ITGB3BP: variants seen among roughly 807,000 people sequenced by gnomAD.
ITGB3BP encodes the protein centromere protein R.
Under a neutral mutation model 29.1 loss-of-function variants are expected in ITGB3BP, and 27 were observed. That is an observed-to-expected ratio of 0.93 (90% CI 0.68 to 1.28). The LOEUF is 1.28. Ranked by LOEUF, ITGB3BP falls within the 50% of genes most tolerant of loss-of-function variation. The probability of loss-of-function intolerance (pLI) is 0.00; values close to 1 mark genes in which losing one functional copy is unlikely to be tolerated. For synonymous variants in ITGB3BP, 61 were observed against 61.4 expected (o/e 0.99, Z 0.03); for missense variants, 192 against 200.2 (o/e 0.96, Z 0.25).
intron 4 of ITGB3BP, among the ~76,000 whole-genome samples, chr1:63,467,784 A>G (rs1305233599): frequency 2.6e-5 from 4 of 152,222 alleles, no homozygotes; most frequent in Admixed American, 6.5e-5. Flanking sequence ...TAAGCAATCT[A>G]TAATGTATAG....
At position 63,454,239 on chromosome 1, in the gene ITGB3BP, GCTT is replaced by G. The variant is rs1644901410; in HGVS notation, c.427+138_427+140del. Reference sequence around the variant, plus strand: ...AACACATCCTGATAAAAGACATGTGGCTTCTTATTTAAAGAAGGTAATAGTATT... The same window carrying G: ...AACACATCCTGATAAAAGACATGTGGCTTATTTAAAGAAGGTAATAGTATT... On this transcript the variant is annotated intron_variant, in intron 6 of 8. Coordinates refer to ENST00000271002, the MANE Select transcript of ITGB3BP (RefSeq NM_014288.5). This position sits in a 1 kb window ranked among gnomAD's most constrained non-coding sequence, Gnocchi z 4.1. The G allele has an allele frequency of 6.0e-6, 3 of 503,320 alleles. No homozygotes were observed. The highest frequency in any genetic ancestry group is 1.1e-5 in the Non-Finnish European group (3 of 281,806). The allele number at this position is 503,320 out of a possible 1,614,324, so 31.2% of individuals were successfully genotyped here. A position where few individuals can be genotyped will look rare whatever the true frequency, so the allele number is the denominator to read the frequency against.
At chr1:63,513,797 C>CTAGA (rs1301721746) in intron 1 of ITGB3BP, among the ~76,000 whole-genome samples, 1 of 152,086 alleles carries the variant, frequency 6.6e-6, no homozygotes, top group Non-Finnish European at 1.5e-5. Context: ...TTGACCAAGC[C>CTAGA]TAGAACACAT....
At chr1:63,446,972 GT>G in intron 7 of ITGB3BP, 116 bp from the exon 8 acceptor site, 1 of 710,494 alleles carries the variant, frequency 1.4e-6, no homozygotes, top group Non-Finnish European at 2.4e-6. Context: ...CTGAAGTCTT[GT>G]TTTATACTAA....
intron 8 of ITGB3BP, among the ~76,000 whole-genome samples, chr1:63,442,185 A>G (rs1010387266): frequency 8.3e-5 from 9 of 108,516 alleles, no homozygotes; most frequent in African/African-American, 2.9e-4. Context: ...TGGTACTTAC[A>G]GTAGAGAATA....
At chr1:63,475,834 C>A (rs375704942) in intron 4 of ITGB3BP, among the ~76,000 whole-genome samples, 12 of 151,678 alleles carry the variant, frequency 7.9e-5, no homozygotes, top group African/African-American at 2.4e-4. Context: ...CCGGTCTCTA[C>A]TAAAAATACA....
intron 4 of ITGB3BP, among the ~76,000 whole-genome samples, chr1:63,463,954 T>TA (rs1325229970): frequency 1.3e-5 from 2 of 151,966 alleles, no homozygotes; most frequent in East Asian, 1.9e-4. Context: ...CTTATCTGTA[T>TA]AAAAAAATAA....
intron 4 of ITGB3BP, among the ~76,000 whole-genome samples, chr1:63,473,276 C>T (rs1353189565): frequency 2.0e-5 from 3 of 151,502 alleles, no homozygotes; most frequent in East Asian, 2.0e-4. Context: ...CCCCTCTGTC[C>T]GGCAGCCACC....
In ITGB3BP at chr1:63,454,090, A is replaced by G. The variant is rs1644899280; in HGVS notation, c.428-116T>C. 1.8e-6 allele frequency: 1 copy of G among 566,948 alleles called. No individual in the cohort carries two copies. The highest frequency in any genetic ancestry group is 3.0e-6 in the Non-Finnish European group (1 of 328,298). 35.1% of individuals were successfully genotyped at this position (566,948 alleles called of 1,614,324 possible). A position where few individuals can be genotyped will look rare whatever the true frequency, so the allele number is the denominator to read the frequency against. ...TAATTCAAAATAATACATATTTATAAGTACCAAATATAAAATATAATACCT... is the reference window on the plus strand; with the variant it reads ...TAATTCAAAATAATACATATTTATAGGTACCAAATATAAAATATAATACCT... On this transcript the variant is annotated intron_variant, in intron 6 of 8. Transcript: ENST00000271002. The surrounding 1 kb of genome is among the most constrained non-coding windows in gnomAD (Gnocchi z 4.1).
upstream of ITGB3BP, chr1:63,523,300 G>C (rs1646507207): frequency 2.4e-6 from 2 of 841,360 alleles, no homozygotes; most frequent in East Asian, 2.5e-5. Flanking sequence ...CGAAGGATCC[G>C]GGTGTGCGCG....
intron 2 of ITGB3BP, among the ~76,000 whole-genome samples, chr1:63,491,447 A>C (rs996191671): frequency 6.6e-6 from 1 of 152,202 alleles, no homozygotes; most frequent in African/African-American, 2.4e-5. Flanking sequence ...ATCTGAAATA[A>C]GAGGTGGAAC....
intron 4 of ITGB3BP, among the ~76,000 whole-genome samples, chr1:63,460,921 C>G (rs866899656): frequency 6.6e-6 from 1 of 151,706 alleles, no homozygotes; most frequent in African/African-American, 2.4e-5. Context: ...TGTTTATTGG[C>G]AATTTATATA....
Position 63,523,221 on chromosome 1 carries a change from G to C in ITGB3BP, c.-88C>G. The C allele has an allele frequency of 1.9e-6, 3 of 1,581,872 alleles. No homozygotes were observed. Among genetic ancestry groups the C allele is most frequent in the Non-Finnish European group, 2.6e-6 (3 of 1,153,586 alleles). On this transcript the variant is annotated 5_prime_UTR_variant, in exon 1 of 9. Coordinates refer to ENST00000271002, the MANE Select transcript of ITGB3BP (RefSeq NM_014288.5). ...GAAAATCCGCCAAAGGAAACGCCAA[G>C]GCATGAAAAGCGCGCGCTGGACGTT... is the stretch of plus-strand genomic sequence containing the variant.
At chr1:63,512,082 T>G (rs1646211828) in intron 1 of ITGB3BP, among the ~76,000 whole-genome samples, 1 of 152,054 alleles carries the variant, frequency 6.6e-6, no homozygotes, top group African/African-American at 2.4e-5. Context: ...TTTCCACCTA[T>G]GCCCGTAATT....
At chr1:63,518,376 A>G (rs1276976384) in intron 1 of ITGB3BP, among the ~76,000 whole-genome samples, 5 of 152,160 alleles carry the variant, frequency 3.3e-5, no homozygotes, top group East Asian at 1.9e-4. Context: ...TCAATTTTGT[A>G]TAAGTTGTCA....
In ITGB3BP at chr1:63,523,142, T is replaced by C; in HGVS notation, c.-9A>G. 6.2e-7 allele frequency: 1 copy of C among 1,614,050 alleles called. No homozygotes were observed. The highest frequency in any genetic ancestry group is 8.5e-7 in the Non-Finnish European group (1 of 1,180,010). ...GGAGATACCTACGGCATTCTGAGAT[T>C]CGGGAAAGCACCACTGCCGCTGAAT... On this transcript the variant is annotated 5_prime_UTR_variant, in exon 1 of 9. Transcript: ENST00000271002.
chr1:63,513,688 A>C (rs995649335), intron 1 of ITGB3BP, among the ~76,000 whole-genome samples: 1 of 152,146 alleles, frequency 6.6e-6, no homozygotes, highest in African/African-American at 2.4e-5. Context: ...AAAAACTATG[A>C]TTTCATATTG....
At chr1:63,446,997 G>T (rs1466309511) in intron 7 of ITGB3BP, 141 bp from the exon 8 acceptor site, 14 of 614,172 alleles carry the variant, frequency 2.3e-5, no homozygotes, top group Non-Finnish European at 3.2e-5. Context: ...CAGCTCTAAG[G>T]CTATAAATTC....
intron 2 of ITGB3BP, among the ~76,000 whole-genome samples, chr1:63,503,444 T>C (rs1645990943): frequency 6.6e-6 from 1 of 152,220 alleles, no homozygotes; most frequent in Non-Finnish European, 1.5e-5. Context: ...GCAAAAATTT[T>C]CTCCCATTCT....
At chr1:63,471,475 T>A (rs569726445) in intron 4 of ITGB3BP, among the ~76,000 whole-genome samples, 1 of 152,104 alleles carries the variant, frequency 6.6e-6, no homozygotes, top group East Asian at 1.9e-4. Flanking sequence ...ATGGTCTCTA[T>A]CTCCTGACCT....
Sources: gnomAD v4.1 joint callset for allele counts (sites outside exome capture counted in the v4.1 genomes callset) on GRCh38, gnomAD v4.1.1 for gene constraint, Gnocchi (gnomAD v3.1) non-coding constraint, MANE v1.5 for transcripts, NCBI Gene and HGNC (gene_info 2026-07-23, HGNC 2026-07-21) for gene names.